Variants in SYNE1 observed in about 807,000 individuals in gnomAD.
SYNE1 encodes the protein nesprin-1.
In SYNE1, 616 loss-of-function variants were observed where a neutral mutation model predicts 1,111.0. The ratio of observed to expected loss-of-function variants is 0.55; its 90% confidence interval spans 0.52 to 0.59. The LOEUF (loss-of-function observed/expected upper bound fraction) is 0.59, where lower values mean the gene tolerates loss of function less well. Among genes scored for constraint, SYNE1 ranks in the 20% least tolerant of loss-of-function variants. The probability of loss-of-function intolerance (pLI) is 0.00; values close to 1 mark genes in which losing one functional copy is unlikely to be tolerated. For synonymous variants in SYNE1, 3,855 were observed against 3,825.8 expected (o/e 1.01, Z -0.28); for missense variants, 10,006 against 10,417.0 (o/e 0.96, Z 1.72).
At chr6:152,474,246 C>G (rs1290720420) in intron 14 of SYNE1, among the ~76,000 whole-genome samples, 2 of 151,948 alleles carry the variant, frequency 1.3e-5, no homozygotes, top group African/African-American at 4.8e-5. Flanking sequence ...AAGGCCATCT[C>G]ACTATAAAGC....
At chr6:152,201,729 T>G (rs1056479461) in intron 127 of SYNE1, 95 bp downstream of exon 127, 1 of 1,582,338 alleles carries the variant, frequency 6.3e-7, no homozygotes, top group South Asian at 1.1e-5. Context: ...TGTATCTGCA[T>G]GTAGATAACC....
At chr6:152,584,401 G>C (rs1645751014) in intron 3 of SYNE1, among the ~76,000 whole-genome samples, 1 of 151,916 alleles carries the variant, frequency 6.6e-6, no homozygotes, top group African/African-American at 2.4e-5. Context: ...ATTCCCCTTG[G>C]TGCAAAATAA....
At chr6:152,141,734 G>A (rs574120404) in intron 138 of SYNE1, among the ~76,000 whole-genome samples, 16 of 152,046 alleles carry the variant, frequency 1.1e-4, no homozygotes, top group Admixed American at 4.6e-4. Flanking sequence ...CAGCCTATGC[G>A]ACAGAGTGAG....
At chr6:152,555,193 T>C (rs2099360821) in intron 3 of SYNE1, among the ~76,000 whole-genome samples, 1 of 152,214 alleles carries the variant, frequency 6.6e-6, no homozygotes, top group Admixed American at 6.5e-5. Flanking sequence ...AGATATGTTG[T>C]GTCTTTGGGG....
At chr6:152,430,960 C>T (rs770719765) in intron 34 of SYNE1, among the ~76,000 whole-genome samples, 18 of 152,070 alleles carry the variant, frequency 1.2e-4, no homozygotes, top group Admixed American at 2.0e-4. Context: ...CTCTTGCTTG[C>T]AGTGAAGTAA....
At chr6:152,333,090 C>T (rs1340024045) in intron 77 of SYNE1, among the ~76,000 whole-genome samples, 3 of 152,184 alleles carry the variant, frequency 2.0e-5, no homozygotes, top group South Asian at 2.1e-4. Context: ...ACAATATTTG[C>T]AGTTTTCTTT....
chr6:152,168,469 T>C (rs2153065392), intron 130 of SYNE1: 3 of 428,290 alleles, frequency 7.0e-6, no homozygotes, highest in East Asian at 7.9e-5. Flanking sequence ...CAGTGTAATC[T>C]GTAAGGAGGA....
chr6:152,363,346 T>G (rs1169722398), intron 63 of SYNE1, among the ~76,000 whole-genome samples: 1 of 148,334 alleles, frequency 6.7e-6, no homozygotes, highest in Non-Finnish European at 1.5e-5. Flanking sequence ...TACAAAAAAT[T>G]AGCCGGGCAT....
intron 130 of SYNE1, among the ~76,000 whole-genome samples, chr6:152,175,146 G>T (rs1298851016): frequency 1.3e-5 from 2 of 152,136 alleles, no homozygotes; most frequent in Admixed American, 1.3e-4. Context: ...AGCTGAGATT[G>T]TGCCACTGTA....
Position 152,428,358 on chromosome 6 carries a change from G to A in SYNE1, c.4823C>T (p.Ala1608Val), listed in dbSNP as rs1388098323. Residue 1608 changes from alanine to valine, a missense_variant, in exon 37 of 146, where the codon GCG becomes GTG. By Grantham distance (64) the Ala-to-Val change is moderately conservative. Coordinates refer to ENST00000367255, the MANE Select transcript of SYNE1 (RefSeq NM_182961.4). ...LCQALESLSS[A>V]ITAFSASARK... is the part of the protein sequence containing the mutation. ...GGCACTGGCTGAGAAGGCAGTGATC[G>A]CGCTGCTCAGTGACTCCAGGGCCTG... 8 of 1,613,960 alleles carry A rather than the reference G, an allele frequency of 5.0e-6. No individual in the cohort carries two copies. The highest frequency in any genetic ancestry group is 4.5e-5 in the East Asian group (2 of 44,870).
chr6:152,206,408 G>T, intron 125 of SYNE1, 46 bp from the exon 126 acceptor site: 2 of 1,604,846 alleles, frequency 1.2e-6, no homozygotes, highest in South Asian at 2.2e-5. Flanking sequence ...TTCTTTCATC[G>T]TTTCCTTCCC....
chr6:152,538,628 GAA>G (rs912343260), intron 4 of SYNE1, among the ~76,000 whole-genome samples: 1 of 129,234 alleles, frequency 7.7e-6, no homozygotes, highest in African/African-American at 2.7e-5. Flanking sequence ...TTTTCATTTT[GAA>G]AAAAAAAAAC....
At chr6:152,481,993 G>C (rs937944070) in intron 14 of SYNE1, among the ~76,000 whole-genome samples, 2 of 151,880 alleles carry the variant, frequency 1.3e-5, no homozygotes, top group Non-Finnish European at 2.9e-5. Flanking sequence ...GGGAGGAGAG[G>C]AGCTAAGAGA....
rs151216173 is a variant in SYNE1 at position 152,227,968 on chromosome 6, T to C, written c.21196-2092A>G. 1.8e-3 allele frequency among the ~76,000 whole-genome samples: 270 copies of C among 152,286 alleles called. 1 individual carries two copies. Among genetic ancestry groups the C allele is most frequent in the Middle Eastern group, 0.01 (3 of 294 alleles). The stretch of plus-strand genomic sequence containing the variant: ...ATTTTTAAAAACAATAAAACATTCT[T>C]AACTTCGATTAATTCATAAATATCA... On this transcript the variant is annotated intron_variant, in intron 115 of 145. Coordinates refer to ENST00000367255, the MANE Select transcript of SYNE1 (RefSeq NM_182961.4).
chr6:152,166,940 T>C (rs1455594651), intron 130 of SYNE1, among the ~76,000 whole-genome samples: 1 of 152,206 alleles, frequency 6.6e-6, no homozygotes, highest in Non-Finnish European at 1.5e-5. Flanking sequence ...TTTCTTTCCA[T>C]TATTTCTTTA....
rs747231741 is a variant in SYNE1, at chr6:152,455,429, G to A, written c.2889C>T (p.His963=). 11 of 1,613,806 alleles carry A rather than the reference G, an allele frequency of 6.8e-6. No individual in the cohort carries two copies. Among genetic ancestry groups the A allele is most frequent in the East Asian group, 2.2e-5 (1 of 44,860 alleles). ...KGDPEELLRR[H]TEFFSQLDQR... ...GTCCCCTAAAGGGTGGACTCACAGT[G>A]TGTCTCCGCAGGAGCTCCTCTGGAT... The change falls in exon 24 of 146, where the codon CAC becomes CAT. Residue 963 remains histidine (H), a synonymous_variant. Transcript: ENST00000367255.
At chr6:152,628,870 T>G (rs2099691695) in intron 2 of SYNE1, among the ~76,000 whole-genome samples, 1 of 152,222 alleles carries the variant, frequency 6.6e-6, no homozygotes, top group South Asian at 2.1e-4. Context: ...TGGTTTCCCT[T>G]ATACTAAAAA....
intron 138 of SYNE1, 111 bp from the exon 139 acceptor site, chr6:152,141,440 T>A: frequency 2.8e-6 from 4 of 1,431,078 alleles, no homozygotes; most frequent in Non-Finnish European, 2.9e-6. Context: ...TGTGTTTGGC[T>A]CCTCTGTGCC....
At position 152,233,804 on chromosome 6, in the gene SYNE1, CTGGGA is replaced by C. The variant is rs780782683; in HGVS notation, c.20684_20688del (p.Ile6895SerfsTer13). ...ACCTGGTGGAGCTTCTCCTGGACGG[CTGGGA>C]TATTGGTTAGCAGGTCAGTCCACTG... is the stretch of plus-strand genomic sequence containing the variant. On this transcript the variant is annotated frameshift_variant, in exon 112 of 146. Transcript: ENST00000367255. LOFTEE classifies it high-confidence loss of function. 1 of 1,614,170 alleles carries C rather than the reference CTGGGA, an allele frequency of 6.2e-7. No homozygotes were observed. Among genetic ancestry groups the C allele is most frequent in the Non-Finnish European group, 8.5e-7 (1 of 1,180,030 alleles).
Sources: gnomAD v4.1 joint callset for allele counts (sites outside exome capture counted in the v4.1 genomes callset) on GRCh38, gnomAD v4.1.1 for gene constraint, MANE v1.5 for transcripts, NCBI Gene and HGNC (gene_info 2026-07-23, HGNC 2026-07-21) for gene names.